ARHGAP26: variants seen among roughly 807,000 people sequenced by gnomAD.
The protein encoded by ARHGAP26 is rho GTPase-activating protein 26.
In ARHGAP26, 38 loss-of-function variants were observed where a neutral mutation model predicts 104.8. That is an observed-to-expected ratio of 0.36 (90% CI 0.28 to 0.48). The LOEUF is 0.48. Ranked by LOEUF, ARHGAP26 falls within the 20% of genes least tolerant of loss-of-function variation. The probability of loss-of-function intolerance (pLI) is 0.99; values close to 1 mark genes in which losing one functional copy is unlikely to be tolerated. For synonymous variants in ARHGAP26, 341 were observed against 340.0 expected, an observed-to-expected ratio of 1.00 and a Z score of -0.03; for missense variants, 704 against 947.9, an observed-to-expected ratio of 0.74 and a Z score of 3.38.
At chr5:142,887,952 G>A (rs1757957573) in intron 5 of ARHGAP26, among the ~76,000 whole-genome samples, 1 of 151,972 alleles carries the variant, frequency 6.6e-6, no homozygotes, top group African/African-American at 2.4e-5. Flanking sequence ...GCGACAGAGT[G>A]AGACTCTTTC....
At chr5:143,137,352 G>T (rs978884456) in intron 19 of ARHGAP26, among the ~76,000 whole-genome samples, 2 of 152,290 alleles carry the variant, frequency 1.3e-5, no homozygotes, top group African/African-American at 4.8e-5. Context: ...ACTAGAATTG[G>T]GTTCAGATAT....
At chr5:143,026,590 A>G (rs1781092893) in intron 12 of ARHGAP26, among the ~76,000 whole-genome samples, 1 of 152,140 alleles carries the variant, frequency 6.6e-6, no homozygotes, top group Admixed American at 6.5e-5. Flanking sequence ...TAGGAATATC[A>G]GGAAGAACAG....
intron 1 of ARHGAP26, among the ~76,000 whole-genome samples, chr5:142,789,278 A>G (rs1466345682): frequency 6.6e-6 from 1 of 152,222 alleles, no homozygotes; most frequent in Non-Finnish European, 1.5e-5. Context: ...ACATTTAAAC[A>G]AATTGTCTCT....
rs779395516 is a variant in ARHGAP26 at position 143,223,087 on chromosome 5, C to T, written c.*641C>T. ...CTTCTCATGCACGGGAACACACACA[C>T]CCTGCGTTTCTCCCTCCCAGGCTAG... On this transcript the variant is annotated 3_prime_UTR_variant, in exon 23 of 23. Coordinates refer to ENST00000645722, the MANE Select transcript of ARHGAP26 (RefSeq NM_001135608.3). 2.7e-4 allele frequency: 63 copies of T among 233,522 alleles called. No homozygotes were observed. Among genetic ancestry groups the T allele is most frequent in the Admixed American group, 5.6e-5 (1 of 17,782 alleles). 14.5% of individuals were successfully genotyped at this position (233,522 alleles called of 1,614,324 possible). A position where few individuals can be genotyped will look rare whatever the true frequency, so the allele number is the denominator to read the frequency against.
intron 11 of ARHGAP26, among the ~76,000 whole-genome samples, chr5:142,995,468 T>C (rs567470921): frequency 5.9e-5 from 9 of 152,334 alleles, no homozygotes; most frequent in Middle Eastern, 3.4e-3. Context: ...TGAGATACCA[T>C]CTCATGCCAG....
intron 12 of ARHGAP26, among the ~76,000 whole-genome samples, chr5:143,021,582 A>G (rs1432811543): frequency 6.6e-6 from 1 of 152,190 alleles, no homozygotes; most frequent in Non-Finnish European, 1.5e-5. Flanking sequence ...GCTGGTGTAG[A>G]ATAGCATCCT....
chr5:143,113,472 T>C (rs1795019359), intron 17 of ARHGAP26, among the ~76,000 whole-genome samples: 1 of 152,222 alleles, frequency 6.6e-6, no homozygotes, highest in African/African-American at 2.4e-5. Context: ...ATTATCTCCT[T>C]TTTGGACTAC....
chr5:143,159,908 C>T (rs1483602811), intron 20 of ARHGAP26, among the ~76,000 whole-genome samples: 1 of 139,052 alleles, frequency 7.2e-6, no homozygotes, highest in African/African-American at 2.6e-5. Flanking sequence ...TTAACACTAC[C>T]CTCTTGTGGT....
intron 11 of ARHGAP26, among the ~76,000 whole-genome samples, chr5:142,952,163 C>G (rs1387893672): frequency 6.6e-6 from 1 of 152,060 alleles, no homozygotes; most frequent in Non-Finnish European, 1.5e-5. Flanking sequence ...CTTAATTACA[C>G]TTTTTTTTCC....
At chr5:143,160,558 C>T in intron 20 of ARHGAP26, among the ~76,000 whole-genome samples, 1 of 151,650 alleles carries the variant, frequency 6.6e-6, no homozygotes. Context: ...AATCACAGCT[C>T]ACTGCAGCCT....
intron 12 of ARHGAP26, among the ~76,000 whole-genome samples, chr5:143,015,426 T>C (rs550224879): frequency 6.6e-6 from 1 of 152,362 alleles, no homozygotes; most frequent in South Asian, 2.1e-4. Flanking sequence ...AAGGGTCTTC[T>C]GGATAATACG....
intron 17 of ARHGAP26, among the ~76,000 whole-genome samples, chr5:143,100,961 C>A (rs1431434445): frequency 6.6e-6 from 1 of 152,104 alleles, no homozygotes; most frequent in African/African-American, 2.4e-5. Flanking sequence ...AGTGTGGTGA[C>A]GTGTGCCTGT....
chr5:142,866,177 C>T (rs1394862663), intron 1 of ARHGAP26, among the ~76,000 whole-genome samples: 1 of 152,162 alleles, frequency 6.6e-6, no homozygotes, highest in Admixed American at 6.5e-5. Flanking sequence ...ACAGATTAGG[C>T]CCTTCTAAAA....
intron 20 of ARHGAP26, among the ~76,000 whole-genome samples, chr5:143,154,484 CTG>C (rs1391398006): frequency 6.6e-6 from 1 of 152,236 alleles, no homozygotes; most frequent in East Asian, 1.9e-4. Context: ...CCCCCACAAA[CTG>C]TCCTTACTTT....
intron 1 of ARHGAP26, among the ~76,000 whole-genome samples, chr5:142,787,390 T>A (rs1758886985): frequency 6.6e-6 from 1 of 152,248 alleles, no homozygotes; most frequent in South Asian, 2.1e-4. Context: ...GTATTTTTAA[T>A]GCCTATTAGG....
rs542116361 is a variant in ARHGAP26 at position 143,076,195 on chromosome 5, A to G, written c.1538+18448A>G. On this transcript the variant is annotated intron_variant, in intron 17 of 22. Coordinates refer to ENST00000645722, the MANE Select transcript of ARHGAP26 (RefSeq NM_001135608.3). ...TTTTTTTTTTTGAAAAGCCAGTCTC[A>G]TTATGTTGCCCAGGCTGGTCTCGAA... 1.0e-4 allele frequency among the ~76,000 whole-genome samples: 12 copies of G among 117,714 alleles called. No individual in the cohort carries two copies. The South Asian group carries it at 2.6e-3, about 25-fold the overall frequency. The allele number at this position is 117,714 out of a possible 152,430, so 77.2% of individuals were successfully genotyped here.
At chr5:143,113,790 G>A (rs1276765509) in intron 17 of ARHGAP26, among the ~76,000 whole-genome samples, 1 of 152,144 alleles carries the variant, frequency 6.6e-6, no homozygotes, top group African/African-American at 2.4e-5. Flanking sequence ...TGAGGGAGAG[G>A]CCCTCTTTTT....
intron 11 of ARHGAP26, among the ~76,000 whole-genome samples, chr5:142,961,513 A>AG (rs1347361130): frequency 3.3e-5 from 5 of 152,190 alleles, no homozygotes; most frequent in Admixed American, 1.3e-4. Flanking sequence ...AGGGGGGTCC[A>AG]GAGAGTTTAA....
At chr5:142,825,052 C>T (rs1378602620) in intron 1 of ARHGAP26, among the ~76,000 whole-genome samples, 3 of 152,146 alleles carry the variant, frequency 2.0e-5, no homozygotes, top group Non-Finnish European at 4.4e-5. Context: ...AGGACCCCTC[C>T]CCTCTCCTTC....
Sources: gnomAD v4.1 joint callset for allele counts (sites outside exome capture counted in the v4.1 genomes callset) on GRCh38, gnomAD v4.1.1 for gene constraint, MANE v1.5 for transcripts, NCBI Gene and HGNC (gene_info 2026-07-23, HGNC 2026-07-21) for gene names.